PTPRQ: variants seen among roughly 807,000 people sequenced by gnomAD.
PTPRQ encodes protein tyrosine phosphatase receptor type Q, also known as phosphatidylinositol phosphatase PTPRQ.
A neutral mutation model predicts 246.0 loss-of-function variants in PTPRQ; 199 were observed. The ratio of observed to expected loss-of-function variants is 0.81; its 90% confidence interval spans 0.72 to 0.91. PTPRQ has a LOEUF of 0.91. Ranked by LOEUF, PTPRQ falls within the 40% of genes least tolerant of loss-of-function variation. PTPRQ has a pLI of 0.00. For missense variants in PTPRQ, 2,624 were observed against 2,528.4 expected (o/e 1.04, Z -0.81); for synonymous variants, 869 against 853.2 (o/e 1.02, Z -0.32).
Position 80,619,466 on chromosome 12 carries a change from C to T in PTPRQ, c.5313C>T (p.Ile1771=). ...TTGTGACTTCAACAACAATTACAAT[C>T]AGAATGCCAATATGTTACTACAGTG... ...KLLVTSTTIT[I]RMPICYYSDD... is the part of the protein sequence containing the mutation. Residue 1771 remains isoleucine, a synonymous_variant, in exon 31 of 45, where the codon ATC becomes ATT. Coordinates refer to ENST00000644991, the MANE Select transcript of PTPRQ (RefSeq NM_001145026.2). 2 of 1,548,186 alleles carry T rather than the reference C, an allele frequency of 1.3e-6. No homozygotes were observed. Among genetic ancestry groups the T allele is most frequent in the Non-Finnish European group, 1.7e-6 (2 of 1,144,808 alleles).
chr12:80,450,612 CT>C (rs1892728119), intron 3 of PTPRQ, among the ~76,000 whole-genome samples: 1 of 151,882 alleles, frequency 6.6e-6, no homozygotes, highest in Non-Finnish European at 1.5e-5. Flanking sequence ...TGTCAAAGGC[CT>C]TTTCTGCATC....
In PTPRQ at chr12:80,541,810, A is replaced by G. The variant is rs575732105; in HGVS notation, c.3410A>G (p.Tyr1137Cys). Residue 1137 changes from tyrosine (Y) to cysteine (C), a missense_variant, in exon 21 of 45, where the codon TAT (tyrosine) becomes TGT (cysteine). Transcript: ENST00000644991. ...PSTEKGFSDT[Y>C]TAQLYIKTEE... ...ACAGAAAAGGGATTCTCTGATACCT[A>G]TACTGCCCAGCTATACATCAAGACT... is the stretch of plus-strand genomic sequence containing the variant. The G allele has an allele frequency of 5.0e-5, 78 of 1,549,888 alleles. 1 individual carries two copies. In the South Asian group the frequency reaches 8.5e-4, roughly 17 times the overall value.
chr12:80,571,225 A>C (rs890861332), intron 25 of PTPRQ, among the ~76,000 whole-genome samples: 5 of 152,068 alleles, frequency 3.3e-5, no homozygotes, highest in African/African-American at 1.2e-4. Flanking sequence ...GCTCACTGCA[A>C]CCTCTGCCTC....
chr12:80,642,937 A>C (rs925772711), intron 35 of PTPRQ, among the ~76,000 whole-genome samples: 14 of 149,160 alleles, frequency 9.4e-5, no homozygotes, highest in East Asian at 3.9e-4. Flanking sequence ...AAAAAAAAAA[A>C]AAAAAAAAAC....
At chr12:80,597,845 T>C (rs76617261) in intron 26 of PTPRQ, among the ~76,000 whole-genome samples, 2,222 of 152,060 alleles carry the variant, frequency 0.015, 63 homozygotes, top group African/African-American at 0.051. Flanking sequence ...GTGATGTTGA[T>C]GCTGCTGGCC....
intron 25 of PTPRQ, among the ~76,000 whole-genome samples, chr12:80,555,795 G>A (rs1896628006): frequency 1.3e-5 from 2 of 152,028 alleles, no homozygotes; most frequent in African/African-American, 4.8e-5. Flanking sequence ...CATCAGGTGA[G>A]GAATCTCTTT....
intron 27 of PTPRQ, among the ~76,000 whole-genome samples, chr12:80,605,876 A>G (rs919097992): frequency 6.6e-6 from 1 of 151,156 alleles, no homozygotes; most frequent in Non-Finnish European, 1.5e-5. Context: ...ACTGTATAAC[A>G]TAGGCATGGT....
intron 8 of PTPRQ, among the ~76,000 whole-genome samples, chr12:80,476,351 C>T (rs1893811125): frequency 6.6e-6 from 1 of 152,056 alleles, no homozygotes; most frequent in African/African-American, 2.4e-5. Context: ...AAATAAAACT[C>T]ATACTAGAGG....
intron 25 of PTPRQ, among the ~76,000 whole-genome samples, chr12:80,552,645 T>TTATATATATA (rs71094985): frequency 9.3e-4 from 71 of 76,442 alleles, no homozygotes; most frequent in South Asian, 2.1e-3. Flanking sequence ...AAAAAAAAAA[T>TTATATATATA]TATATATATA....
intron 23 of PTPRQ, among the ~76,000 whole-genome samples, chr12:80,545,031 G>A (rs1219211680): frequency 6.6e-6 from 1 of 152,056 alleles, no homozygotes; most frequent in Non-Finnish European, 1.5e-5. Flanking sequence ...ACATATTCTT[G>A]TGTAAATCTG....
intron 42 of PTPRQ, 151 bp from the exon 43 acceptor site, chr12:80,673,018 A>G: frequency 8.6e-7 from 1 of 1,158,130 alleles, no homozygotes; most frequent in Non-Finnish European, 1.2e-6. Flanking sequence ...TGGTAACCAT[A>G]AAAAATCCAA....
chr12:80,562,275 G>C (rs1300787675), intron 25 of PTPRQ, among the ~76,000 whole-genome samples: 1 of 152,134 alleles, frequency 6.6e-6, no homozygotes, highest in Non-Finnish European at 1.5e-5. Flanking sequence ...CCTTTATCTA[G>C]TTACTGTATA....
Position 80,534,228 on chromosome 12 carries a change from A to G in PTPRQ, c.2839+53A>G, listed in dbSNP as rs1417060991. ...AGAATGTTCTTTTTCTTTAAAAAAA[A>G]AATCCTGCCCAGAAAAATATTCAAA... On this transcript the variant is annotated intron_variant, in intron 18 of 44. Transcript: ENST00000644991. The G allele has an allele frequency of 7.8e-6, 11 of 1,411,362 alleles. No homozygotes were observed. The Admixed American group carries it at 3.6e-4, about 46-fold the overall frequency. 87.4% of individuals were successfully genotyped at this position (1,411,362 alleles called of 1,614,324 possible).
In PTPRQ at chr12:80,444,254, GC is replaced by G. The variant is rs1209818309; in HGVS notation, c.-90del. On this transcript the variant is annotated 5_prime_UTR_variant, in exon 1 of 45. Transcript: ENST00000644991. ...ATATGGGCTCATTAATTGTGTACTTGCCAGAAGGATCTGTCTTTAAATCATT... is the reference window on the plus strand; with the variant it reads ...ATATGGGCTCATTAATTGTGTACTTGCAGAAGGATCTGTCTTTAAATCATT... 6.0e-6 allele frequency: 4 copies of G among 671,614 alleles called. No individual in the cohort carries two copies. Among genetic ancestry groups the G allele is most frequent in the Non-Finnish European group, 1.1e-5 (4 of 379,806 alleles). The allele number at this position is 671,614 out of a possible 1,614,324, so 41.6% of individuals were successfully genotyped here. A position where few individuals can be genotyped will look rare whatever the true frequency, so the allele number is the denominator to read the frequency against.
chr12:80,571,670 T>C (rs951013449), intron 25 of PTPRQ, among the ~76,000 whole-genome samples: 1 of 152,198 alleles, frequency 6.6e-6, no homozygotes, highest in Non-Finnish European at 1.5e-5. Context: ...TACATTTATA[T>C]TTTTGATTCA....
Position 80,540,006 on chromosome 12 carries a change from A to C in PTPRQ, c.3154+62A>C, listed in dbSNP as rs7954867. The C allele has an allele frequency of 0.29, 376,614 of 1,305,240 alleles. 62,151 individuals are homozygous for C. Among genetic ancestry groups the C allele is most frequent in the African/African-American group, 0.72 (46,815 of 64,872 alleles). The allele number at this position is 1,305,240 out of a possible 1,614,324, so 80.9% of individuals were successfully genotyped here. A position where few individuals can be genotyped will look rare whatever the true frequency, so the allele number is the denominator to read the frequency against. On this transcript the variant is annotated intron_variant, in intron 20 of 44. Transcript: ENST00000644991. ...AATTTAAAACTTATTATTTTAGGAA[A>C]TTTTACTATTTGTTTGAATTTGTAA...
chr12:80,667,243 C>A (rs1016530264), intron 39 of PTPRQ, among the ~76,000 whole-genome samples: 3 of 151,846 alleles, frequency 2.0e-5, no homozygotes, highest in Non-Finnish European at 2.9e-5. Context: ...TTCTTTTCCC[C>A]CGAATCCTGC....
chr12:80,446,526 C>T (rs893037390), intron 3 of PTPRQ, among the ~76,000 whole-genome samples: 1 of 151,474 alleles, frequency 6.6e-6, no homozygotes, highest in African/African-American at 2.4e-5. Flanking sequence ...TTCTAGTATA[C>T]CCATCACCCA....
chr12:80,573,415 G>T (rs1592671628), intron 25 of PTPRQ, among the ~76,000 whole-genome samples: 1 of 152,200 alleles, frequency 6.6e-6, no homozygotes. Context: ...CGTGAACCCG[G>T]GAGGTGGAGC....
Sources: gnomAD v4.1 joint callset for allele counts (sites outside exome capture counted in the v4.1 genomes callset) on GRCh38, gnomAD v4.1.1 for gene constraint, MANE v1.5 for transcripts, NCBI Gene and HGNC (gene_info 2026-07-23, HGNC 2026-07-21) for gene names.